Variants in IFIT3 observed in about 807,000 individuals in gnomAD.
The protein encoded by IFIT3 is interferon-induced protein with tetratricopeptide repeats 3.
In IFIT3, 2 loss-of-function variants were observed where a neutral mutation model predicts 2.4. That is an observed-to-expected ratio of 0.82 (90% CI 0.34 to 2.60). The LOEUF is 2.60. Among genes scored for constraint, IFIT3 ranks in the 30% most tolerant of loss-of-function variants. IFIT3 has a pLI of 0.11. For missense variants in IFIT3, 481 were observed against 562.4 expected (o/e 0.86, Z 1.46); for synonymous variants, 203 against 212.1 (o/e 0.96, Z 0.37).
At chr10:89,332,581 A>C (rs1136860) in intron 1 of IFIT3, 1 of 1,614,106 alleles carries the variant, frequency 6.2e-7, no homozygotes, top group Non-Finnish European at 8.5e-7. Context: ...AACAAAATCA[A>C]CCGGGACCCC....
chr10:89,337,594 T>G (rs1843763677), intron 1 of IFIT3, among the ~76,000 whole-genome samples: 2 of 152,180 alleles, frequency 1.3e-5, no homozygotes, highest in Admixed American at 6.5e-5. Context: ...GAGGCAGGCT[T>G]TCGCCATGTT....
At position 89,339,064 on chromosome 10, in the gene IFIT3, G is replaced by T; in HGVS notation, c.409G>T (p.Glu137Ter). Residue 137 changes from glutamate to a stop codon, truncating the protein, a stop_gained, in exon 2 of 2, where the codon GAA (glutamate) becomes TAA (stop). Coordinates refer to ENST00000371818, the MANE Select transcript of IFIT3 (RefSeq NM_001549.6). LOFTEE classifies it low-confidence loss of function (END_TRUNC). ...FSNPYSIEYS[E>*]LDCEEGWTQL... ...AAATCCATACAGTATTGAGTATTCT[G>T]AACTTGACTGTGAGGAAGGGTGGAC... The T allele has an allele frequency of 6.2e-7, 1 of 1,614,060 alleles. No individual in the cohort carries two copies. The highest frequency in any genetic ancestry group is 8.5e-7 in the Non-Finnish European group (1 of 1,180,022).
intron 1 of IFIT3, among the ~76,000 whole-genome samples, chr10:89,329,107 A>G (rs1217662764): frequency 6.6e-6 from 1 of 152,160 alleles, no homozygotes; most frequent in Non-Finnish European, 1.5e-5. Flanking sequence ...TTTCCCACCA[A>G]GCATCTCTAG....
In IFIT3 at chr10:89,339,290, T is replaced by C; in HGVS notation, c.635T>C (p.Leu212Pro). ...CCTGATAACCAATACGTCAAGGTTC[T>C]CTTGGGCCTGAAACTGCAGAAGATG... ...LSPDNQYVKVLLGLKLQKMNK... is the reference protein window; with the variant it reads ...LSPDNQYVKVPLGLKLQKMNK... Residue 212 changes from leucine to proline, a missense_variant, in exon 2 of 2, where the codon CTC becomes CCC. Physicochemically the swap from Leu to Pro is moderately conservative, Grantham distance 98. Coordinates refer to ENST00000371818, the MANE Select transcript of IFIT3 (RefSeq NM_001549.6). 1.2e-6 allele frequency: 2 copies of C among 1,614,168 alleles called. No individual in the cohort carries two copies.
In IFIT3 at chr10:89,338,960, G is replaced by A; in HGVS notation, c.305G>A (p.Trp102Ter). 6.2e-7 allele frequency: 1 copy of A among 1,614,144 alleles called. No individual in the cohort carries two copies. The highest frequency in any genetic ancestry group is 8.5e-7 in the Non-Finnish European group (1 of 1,180,002). The change falls in exon 2 of 2, where the codon TGG becomes TAG. Residue 102 changes from tryptophan to a stop codon, truncating the protein, a stop_gained. Transcript: ENST00000371818. LOFTEE classifies it low-confidence loss of function (END_TRUNC). ...RSLVTWGNYA[W>*]VYYHLGRLSD... is the part of the protein sequence containing the mutation. ...CTAGTCACTTGGGGAAACTACGCCT[G>A]GGTCTACTATCACTTGGGCAGACTC... is the stretch of plus-strand genomic sequence containing the variant.
intron 1 of IFIT3, among the ~76,000 whole-genome samples, chr10:89,331,644 A>C (rs549533197): frequency 6.6e-6 from 1 of 151,906 alleles, no homozygotes; most frequent in African/African-American, 2.4e-5. Context: ...CAGATGCTTG[A>C]GCTCAGGAGT....
intron 1 of IFIT3, among the ~76,000 whole-genome samples, chr10:89,331,704 C>G (rs1215662541): frequency 1.3e-5 from 2 of 151,456 alleles, no homozygotes; most frequent in Non-Finnish European, 2.9e-5. Flanking sequence ...ACTAAAAATA[C>G]AAAAATCAGC....
At position 89,338,890 on chromosome 10, in the gene IFIT3, GA is replaced by G. The variant is rs765206817; in HGVS notation, c.236del (p.Glu79GlyfsTer2). 8 of 1,614,164 alleles carry G rather than the reference GA, an allele frequency of 5.0e-6. No individual in the cohort carries two copies. Among genetic ancestry groups the G allele is most frequent in the African/African-American group, 1.3e-5 (1 of 75,050 alleles). On this transcript the variant is annotated frameshift_variant, in exon 2 of 2. Coordinates refer to ENST00000371818, the MANE Select transcript of IFIT3 (RefSeq NM_001549.6). LOFTEE classifies it low-confidence loss of function (END_TRUNC). ...CCTGGAATGCTTACGGCAAGCTGAA[GA>G]GTTAATCCAGCAAGAACATGCTGAC... ...AALECLRQAE[E>X]LIQQEHADQA... is the part of the protein sequence containing the mutation.
rs1843857486 is a variant in IFIT3 at position 89,340,721 on chromosome 10, C to T, written c.*593C>T. The T allele has an allele frequency of 6.6e-6, 1 of 152,158 alleles. No homozygotes were observed. Among genetic ancestry groups the T allele is most frequent in the African/African-American group, 2.4e-5 (1 of 41,422 alleles). The allele number at this position is 152,158 out of a possible 1,614,324, so 9.4% of individuals were successfully genotyped here. A position where few individuals can be genotyped will look rare whatever the true frequency, so the allele number is the denominator to read the frequency against. ...AGTTTTCATTCAGTTCACAATATAA[C>T]CACCATTCCTGCCCTCCCTGCCAAG... On this transcript the variant is annotated 3_prime_UTR_variant, in exon 2 of 2. Coordinates refer to ENST00000371818, the MANE Select transcript of IFIT3 (RefSeq NM_001549.6).
rs1339897136 is a variant in IFIT3 at position 89,339,205 on chromosome 10, G to A, written c.550G>A (p.Asp184Asn). 1 of 1,614,194 alleles carries A rather than the reference G, an allele frequency of 6.2e-7. No homozygotes were observed. The highest frequency in any genetic ancestry group is 1.7e-5 in the Admixed American group (1 of 60,036). The change falls in exon 2 of 2, where the codon GAT (aspartate) becomes AAT (asparagine). Residue 184 changes from aspartate (D) to asparagine (N), a missense_variant. Coordinates refer to ENST00000371818, the MANE Select transcript of IFIT3 (RefSeq NM_001549.6). ...ACTGGCAATTGCGATGTACCATCTGGATAATCACCCAGAGAAACAGTTCTC... is the reference window on the plus strand; with the variant it reads ...ACTGGCAATTGCGATGTACCATCTGAATAATCACCCAGAGAAACAGTTCTC... ...SGLAIAMYHL[D>N]NHPEKQFSTD... is the part of the protein sequence containing the mutation.
At chr10:89,328,206 G>GCCTCAAGTAAAT in intron 1 of IFIT3, 128 bp downstream of exon 1, 1 of 973,460 alleles carries the variant, frequency 1.0e-6, no homozygotes, top group Non-Finnish European at 1.6e-6. Context: ...TTATCAGTCT[G>GCCTCAAGTAAAT]AGCATTTGTA....
rs1843824238 is a variant in IFIT3 at position 89,339,738 on chromosome 10, T to C, written c.1083T>C (p.His361=). 15 of 1,614,026 alleles carry C rather than the reference T, an allele frequency of 9.3e-6. No individual in the cohort carries two copies. Among genetic ancestry groups the C allele is most frequent in the Non-Finnish European group, 1.3e-5 (15 of 1,180,042 alleles). The change falls in exon 2 of 2, where the codon CAT becomes CAC. Residue 361 remains histidine, a synonymous_variant. Transcript: ENST00000371818. The part of the protein sequence containing the change: ...EVPDAEKQQS[H]QRYCNLQKYN... ...CTGATGCTGAAAAGCAACAATCCCA[T>C]CAGCGCTACTGCAACCTTCAGAAAT... is the stretch of plus-strand genomic sequence containing the variant.
Position 89,339,674 on chromosome 10 carries a change from A to G in IFIT3, c.1019A>G (p.Glu340Gly). Residue 340 changes from glutamate to glycine, a missense_variant, in exon 2 of 2, where the codon GAG becomes GGG. Transcript: ENST00000371818. ...NAYSDLAEFL[E>G]TECYQTPFNK... ...TACTCCGATCTCGCTGAGTTCCTGG[A>G]GACGGAATGTTATCAGACACCATTC... The G allele has an allele frequency of 1.2e-6, 2 of 1,614,240 alleles. No homozygotes were observed. Among genetic ancestry groups the G allele is most frequent in the Non-Finnish European group, 1.7e-6 (2 of 1,180,032 alleles).
chr10:89,339,531 G>C lies in IFIT3; in HGVS notation c.876G>C (p.Met292Ile). The C allele has an allele frequency of 1.2e-6, 2 of 1,614,088 alleles. 1 individual carries two copies. Among genetic ancestry groups the C allele is most frequent in the South Asian group, 2.2e-5 (2 of 91,080 alleles). ...GCCYKAKVRQ[M>I]QNTGESEASG... ...GCTACAAGGCAAAAGTAAGACAAAT[G>C]CAGAATACAGGAGAATCTGAAGCTA... Residue 292 changes from methionine to isoleucine, a missense_variant, in exon 2 of 2, where the codon ATG becomes ATC. Physicochemically the swap from Met to Ile is conservative, Grantham distance 10. Coordinates refer to ENST00000371818, the MANE Select transcript of IFIT3 (RefSeq NM_001549.6).
rs1843855249 is a variant in IFIT3 at position 89,340,623 on chromosome 10, TA to T, written c.*496del. The T allele has an allele frequency of 6.7e-6, 1 of 148,390 alleles. No homozygotes were observed. The highest frequency in any genetic ancestry group is 2.5e-5 in the African/African-American group (1 of 40,092). 9.2% of individuals were successfully genotyped at this position (148,390 alleles called of 1,614,324 possible). ...TTCATTATAGTTCATTACAGTTACATAGTCCGAAGGTCTTACAACTAATCAC... is the reference window on the plus strand; with the variant it reads ...TTCATTATAGTTCATTACAGTTACATGTCCGAAGGTCTTACAACTAATCAC... On this transcript the variant is annotated 3_prime_UTR_variant, in exon 2 of 2. Coordinates refer to ENST00000371818, the MANE Select transcript of IFIT3 (RefSeq NM_001549.6).
chr10:89,339,305 T>C lies in IFIT3; in HGVS notation c.650T>C (p.Leu217Pro), dbSNP rs770813145. The C allele has an allele frequency of 1.9e-5, 31 of 1,613,814 alleles. No homozygotes were observed. In the East Asian group the frequency reaches 6.7e-4, roughly 35 times the overall value. The change falls in exon 2 of 2, where the codon CTG (leucine) becomes CCG (proline). Residue 217 changes from leucine to proline, a missense_variant. By Grantham distance (98) the Leu-to-Pro change is moderately conservative. Transcript: ENST00000371818. ...GTCAAGGTTCTCTTGGGCCTGAAAC[T>C]GCAGAAGATGAATAAAGAAGCTGAA... ...QYVKVLLGLK[L>P]QKMNKEAEGE...
intron 1 of IFIT3, among the ~76,000 whole-genome samples, chr10:89,335,806 A>G (rs983934458): frequency 2.0e-5 from 3 of 152,100 alleles, no homozygotes; most frequent in Admixed American, 2.0e-4. Flanking sequence ...AGCAAAGTTA[A>G]CTCATGTTTC....
intron 1 of IFIT3, among the ~76,000 whole-genome samples, chr10:89,331,813 C>G (rs1422892525): frequency 7.1e-6 from 1 of 140,444 alleles, no homozygotes; most frequent in Admixed American, 7.6e-5. Context: ...AAGCTGAGAT[C>G]GTGCTACTGC....
At chr10:89,337,060 A>G (rs760284838) in intron 1 of IFIT3, among the ~76,000 whole-genome samples, 26 of 152,322 alleles carry the variant, frequency 1.7e-4, no homozygotes, top group South Asian at 2.1e-4. Context: ...CTGTCTGGGA[A>G]TCTGGCCTGT....
Sources: gnomAD v4.1 joint callset for allele counts (sites outside exome capture counted in the v4.1 genomes callset) on GRCh38, gnomAD v4.1.1 for gene constraint, MANE v1.5 for transcripts, NCBI Gene and HGNC (gene_info 2026-07-23, HGNC 2026-07-21) for gene names.